Variants in OR5D18 observed in about 807,000 individuals in gnomAD.
The protein encoded by OR5D18 is olfactory receptor 5D18.
For synonymous variants in OR5D18, 158 were observed against 152.5 expected, an observed-to-expected ratio of 1.04 and a Z score of -0.27; for missense variants, 394 against 367.3, an observed-to-expected ratio of 1.07 and a Z score of -0.59.
Position 55,820,537 on chromosome 11 carries a change from C to T in OR5D18, c.908C>T (p.Thr303Ile), listed in dbSNP as rs1853822437. The change falls in exon 1 of 1, where the codon ACC (threonine) becomes ATC (isoleucine). Residue 303 changes from threonine (T) to isoleucine (I), a missense_variant. Transcript: ENST00000333976. ...AATAAAGATGTCAAGGATACAGTCACCGAGATACTGGACACCAAAGTCTTC... is the reference window on the plus strand; with the variant it reads ...AATAAAGATGTCAAGGATACAGTCATCGAGATACTGGACACCAAAGTCTTC... ...LRNKDVKDTV[T>I]EILDTKVFSY is the part of the protein sequence containing the mutation. The T allele has an allele frequency of 6.2e-7, 1 of 1,610,830 alleles. No individual in the cohort carries two copies. The highest frequency in any genetic ancestry group is 1.3e-5 in the African/African-American group (1 of 74,736).
In OR5D18 at chr11:55,820,248, A is replaced by T. The variant is rs1274384589; in HGVS notation, c.619A>T (p.Asn207Tyr). 1 of 1,613,968 alleles carries T rather than the reference A, an allele frequency of 6.2e-7. No individual in the cohort carries two copies. The highest frequency in any genetic ancestry group is 8.5e-7 in the Non-Finnish European group (1 of 1,180,022). Residue 207 changes from asparagine (N) to tyrosine (Y), a missense_variant, in exon 1 of 1, where the codon AAT becomes TAT. Coordinates refer to ENST00000333976, the MANE Select transcript of OR5D18 (RefSeq NM_001001952.1). ...GCTGCTATTCTTTCTTGCCACCTTT[A>T]ATGAAATCAGCACACTACTCATCGT... ...QWLLFFLATFNEISTLLIVLT... is the reference protein window; with the variant it reads ...QWLLFFLATFYEISTLLIVLT...
In OR5D18 at chr11:55,820,303, C is replaced by A. The variant is rs768496252; in HGVS notation, c.674C>A (p.Thr225Asn). 1 of 1,613,932 alleles carries A rather than the reference C, an allele frequency of 6.2e-7. No homozygotes were observed. The highest frequency in any genetic ancestry group is 8.5e-7 in the Non-Finnish European group (1 of 1,180,018). The change falls in exon 1 of 1, where the codon ACC becomes AAC. Residue 225 changes from threonine to asparagine, a missense_variant. Transcript: ENST00000333976. ...ACATCTTATGCGTTCATTGTTGTAACCATCCTCAAGATGCGTTCAGTCAGT... is the reference window on the plus strand; with the variant it reads ...ACATCTTATGCGTTCATTGTTGTAAACATCCTCAAGATGCGTTCAGTCAGT... The part of the protein sequence containing the change: ...VLTSYAFIVV[T>N]ILKMRSVSGR...
rs1301327143 is a variant in OR5D18, at chr11:55,819,863, T to C, written c.234T>C (p.Ile78=). ...TGGATTTCTGCTATTCCTCCATCAT[T>C]GCTCCCAAGATGTTGGTGAACCTTG... ...SFVDFCYSSI[I]APKMLVNLVV... Residue 78 remains isoleucine (I), a synonymous_variant, in exon 1 of 1, where the codon ATT becomes ATC. Transcript: ENST00000333976. 9 of 1,613,722 alleles carry C rather than the reference T, an allele frequency of 5.6e-6. No homozygotes were observed. The highest frequency in any genetic ancestry group is 7.6e-6 in the Non-Finnish European group (9 of 1,179,802).
Position 55,819,976 on chromosome 11 carries a change from T to C in OR5D18, c.347T>C (p.Leu116Ser), listed in dbSNP as rs747074065. ...TTTGTGGTCACTGAATCCTTTTTAT[T>C]AGCTGTGATGGCCTATGACCGCTTC... Reference protein sequence around the residue: ...CTFVVTESFLLAVMAYDRFVA... With the variant: ...CTFVVTESFLSAVMAYDRFVA... Residue 116 changes from leucine to serine, a missense_variant, in exon 1 of 1, where the codon TTA becomes TCA. Coordinates refer to ENST00000333976, the MANE Select transcript of OR5D18 (RefSeq NM_001001952.1). 1.2e-6 allele frequency: 2 copies of C among 1,613,970 alleles called. No individual in the cohort carries two copies. Among genetic ancestry groups the C allele is most frequent in the Non-Finnish European group, 1.7e-6 (2 of 1,179,990 alleles).
rs1437305360 is a variant in OR5D18 at position 55,820,246 on chromosome 11, T to G, written c.617T>G (p.Phe206Cys). 1 of 1,614,058 alleles carries G rather than the reference T, an allele frequency of 6.2e-7. No homozygotes were observed. Among genetic ancestry groups the G allele is most frequent in the Non-Finnish European group, 8.5e-7 (1 of 1,180,028 alleles). Residue 206 changes from phenylalanine (F) to cysteine (C), a missense_variant, in exon 1 of 1, where the codon TTT becomes TGT. Coordinates refer to ENST00000333976, the MANE Select transcript of OR5D18 (RefSeq NM_001001952.1). ...NQWLLFFLATFNEISTLLIVL... is the reference protein window; with the variant it reads ...NQWLLFFLATCNEISTLLIVL... ...TGGCTGCTATTCTTTCTTGCCACCT[T>G]TAATGAAATCAGCACACTACTCATC...
chr11:55,820,044 C>G lies in OR5D18; in HGVS notation c.415C>G (p.Gln139Glu). ...NPLLYTVNMS[Q>E]KLCVLLVVGS... ...TCTGCTCTACACAGTTAACATGTCC[C>G]AGAAACTCTGCGTGCTGCTGGTTGT... The change falls in exon 1 of 1, where the codon CAG becomes GAG. Residue 139 changes from glutamine (Q) to glutamate (E), a missense_variant. Coordinates refer to ENST00000333976, the MANE Select transcript of OR5D18 (RefSeq NM_001001952.1). 6.2e-7 allele frequency: 1 copy of G among 1,613,952 alleles called. No homozygotes were observed. The highest frequency in any genetic ancestry group is 8.5e-7 in the Non-Finnish European group (1 of 1,180,002).
In OR5D18 at chr11:55,820,494, C is replaced by T; in HGVS notation, c.865C>T (p.Leu289=). The change falls in exon 1 of 1, where the codon CTG becomes TTG. Residue 289 remains leucine (L), a synonymous_variant. Coordinates refer to ENST00000333976, the MANE Select transcript of OR5D18 (RefSeq NM_001001952.1). ...CGTGGTGATCCCCATGTTGAATCCC[C>T]TGATCTACAGTCTGAGAAATAAAGA... ...YTVVIPMLNP[L]IYSLRNKDVK... 6.2e-7 allele frequency: 1 copy of T among 1,613,816 alleles called. No individual in the cohort carries two copies. The highest frequency in any genetic ancestry group is 8.5e-7 in the Non-Finnish European group (1 of 1,180,012).
At position 55,819,801 on chromosome 11, in the gene OR5D18, A is replaced by G. The variant is rs1240312105; in HGVS notation, c.172A>G (p.Thr58Ala). The G allele has an allele frequency of 6.2e-7, 1 of 1,613,430 alleles. No homozygotes were observed. The highest frequency in any genetic ancestry group is 2.2e-5 in the East Asian group (1 of 44,864). The stretch of plus-strand genomic sequence containing the variant: ...CATCAAAATCAACCCCAAACTGCAT[A>G]CCCCCATGTACTTTTTCCTCAGCCA... The part of the protein sequence containing the change: ...VIIKINPKLH[T>A]PMYFFLSQLS... Residue 58 changes from threonine (T) to alanine (A), a missense_variant, in exon 1 of 1, where the codon ACC becomes GCC. Coordinates refer to ENST00000333976, the MANE Select transcript of OR5D18 (RefSeq NM_001001952.1).
chr11:55,820,063 T>TA lies in OR5D18; in HGVS notation c.434_435insA (p.Val146GlyfsTer36). The TA allele has an allele frequency of 3.1e-6, 5 of 1,613,978 alleles. No homozygotes were observed. Among genetic ancestry groups the TA allele is most frequent in the Non-Finnish European group, 4.2e-6 (5 of 1,180,014 alleles). On this transcript the variant is annotated frameshift_variant, in exon 1 of 1. Transcript: ENST00000333976. LOFTEE classifies it low-confidence loss of function (END_TRUNC). ...ATGTCCCAGAAACTCTGCGTGCTGC[T>TA]GGTTGTGGGATCCTATGCCTGGGGA...
Position 55,820,026 on chromosome 11 carries a change from TAC to T in OR5D18, c.401_402del (p.Thr134SerfsTer2). On this transcript the variant is annotated frameshift_variant, in exon 1 of 1. Transcript: ENST00000333976. LOFTEE classifies it low-confidence loss of function (END_TRUNC). Reference sequence around the variant, plus strand: ...CGTGGCCATTTGCAACCCTCTGCTCTACACAGTTAACATGTCCCAGAAACTCT... The same window carrying T: ...CGTGGCCATTTGCAACCCTCTGCTCTACAGTTAACATGTCCCAGAAACTCT... The part of the protein sequence containing the change: ...RFVAICNPLL[Y>X]TVNMSQKLCV... The T allele has an allele frequency of 6.2e-7, 1 of 1,613,982 alleles. No homozygotes were observed. The highest frequency in any genetic ancestry group is 8.5e-7 in the Non-Finnish European group (1 of 1,180,028).
Position 55,820,072 on chromosome 11 carries a change from G to A in OR5D18, c.443G>A (p.Gly148Glu), listed in dbSNP as rs867205449. 1 of 1,613,944 alleles carries A rather than the reference G, an allele frequency of 6.2e-7. No individual in the cohort carries two copies. Among genetic ancestry groups the A allele is most frequent in the Non-Finnish European group, 8.5e-7 (1 of 1,180,024 alleles). ...SQKLCVLLVV[G>E]SYAWGVSCSL... Reference sequence around the variant, plus strand: ...AAACTCTGCGTGCTGCTGGTTGTGGGATCCTATGCCTGGGGAGTCTCATGT... The same window carrying A: ...AAACTCTGCGTGCTGCTGGTTGTGGAATCCTATGCCTGGGGAGTCTCATGT... Residue 148 changes from glycine to glutamate, a missense_variant, in exon 1 of 1, where the codon GGA becomes GAA. Transcript: ENST00000333976.
Position 55,820,208 on chromosome 11 carries a change from T to C in OR5D18, c.579T>C (p.Thr193=), listed in dbSNP as rs1177379154. The C allele has an allele frequency of 1.2e-6, 2 of 1,613,966 alleles. No homozygotes were observed. The highest frequency in any genetic ancestry group is 1.7e-6 in the Non-Finnish European group (2 of 1,179,960). Residue 193 remains threonine (T), a synonymous_variant, in exon 1 of 1, where the codon ACT becomes ACC. Coordinates refer to ENST00000333976, the MANE Select transcript of OR5D18 (RefSeq NM_001001952.1). ...SSLLSLSCSD[T]YINQWLLFFL... Reference sequence around the variant, plus strand: ...TACTCTCCCTTTCTTGCTCTGATACTTACATCAACCAGTGGCTGCTATTCT... The same window carrying C: ...TACTCTCCCTTTCTTGCTCTGATACCTACATCAACCAGTGGCTGCTATTCT...
chr11:55,820,442 A>G lies in OR5D18; in HGVS notation c.813A>G (p.Thr271=), dbSNP rs1382122663. The G allele has an allele frequency of 3.7e-6, 6 of 1,613,768 alleles. No homozygotes were observed. The highest frequency in any genetic ancestry group is 5.1e-6 in the Non-Finnish European group (6 of 1,180,014). Residue 271 remains threonine, a synonymous_variant, in exon 1 of 1, where the codon ACA becomes ACG. Transcript: ENST00000333976. ...CVPNSKNSRH[T]VKVASVFYTV... Reference sequence around the variant, plus strand: ...CCAACTCCAAAAACTCCAGGCACACAGTCAAAGTGGCCTCTGTGTTTTACA... The same window carrying G: ...CCAACTCCAAAAACTCCAGGCACACGGTCAAAGTGGCCTCTGTGTTTTACA...
chr11:55,819,891 G>A lies in OR5D18; in HGVS notation c.262G>A (p.Val88Ile). The A allele has an allele frequency of 1.2e-6, 2 of 1,614,026 alleles. No homozygotes were observed. Among genetic ancestry groups the A allele is most frequent in the Non-Finnish European group, 8.5e-7 (1 of 1,180,012 alleles). ...TCCCAAGATGTTGGTGAACCTTGTTGTCAAAGACAGAACCATTTCATTTTT... is the reference window on the plus strand; with the variant it reads ...TCCCAAGATGTTGGTGAACCTTGTTATCAAAGACAGAACCATTTCATTTTT... Reference protein sequence around the residue: ...IAPKMLVNLVVKDRTISFLGC... With the variant: ...IAPKMLVNLVIKDRTISFLGC... The change falls in exon 1 of 1, where the codon GTC becomes ATC. Residue 88 changes from valine (V) to isoleucine (I), a missense_variant. Val to Ile is a conservative substitution (Grantham distance 29, BLOSUM62 3). Transcript: ENST00000333976.
rs753295136 is a variant in OR5D18, at chr11:55,820,266, C to T, written c.637C>T (p.Leu213Phe). The T allele has an allele frequency of 1.7e-5, 27 of 1,614,012 alleles. No individual in the cohort carries two copies. The South Asian group carries it at 3.0e-4, about 18-fold the overall frequency. Residue 213 changes from leucine (L) to phenylalanine (F), a missense_variant, in exon 1 of 1, where the codon CTC becomes TTC. Transcript: ENST00000333976. ...CACCTTTAATGAAATCAGCACACTA[C>T]TCATCGTTCTCACATCTTATGCGTT... ...LATFNEISTL[L>F]IVLTSYAFIV...
chr11:55,820,055 C>T lies in OR5D18; in HGVS notation c.426C>T (p.Cys142=), dbSNP rs748193440. The T allele has an allele frequency of 3.5e-5, 56 of 1,613,820 alleles. No homozygotes were observed. The highest frequency in any genetic ancestry group is 3.8e-5 in the Non-Finnish European group (45 of 1,180,004). The change falls in exon 1 of 1, where the codon TGC becomes TGT. Residue 142 remains cysteine, a synonymous_variant. Transcript: ENST00000333976. ...CAGTTAACATGTCCCAGAAACTCTG[C>T]GTGCTGCTGGTTGTGGGATCCTATG... ...LYTVNMSQKL[C]VLLVVGSYAW...
In OR5D18 at chr11:55,820,016, C is replaced by G; in HGVS notation, c.387C>G (p.Asn129Lys). The change falls in exon 1 of 1, where the codon AAC (asparagine) becomes AAG (lysine). Residue 129 changes from asparagine (N) to lysine (K), a missense_variant. Asn to Lys is a moderately conservative substitution (Grantham distance 94, BLOSUM62 0). Transcript: ENST00000333976. ...MAYDRFVAICNPLLYTVNMSQ... is the reference protein window; with the variant it reads ...MAYDRFVAICKPLLYTVNMSQ... ...ATGACCGCTTCGTGGCCATTTGCAA[C>G]CCTCTGCTCTACACAGTTAACATGT... is the stretch of plus-strand genomic sequence containing the variant. 1 of 1,613,904 alleles carries G rather than the reference C, an allele frequency of 6.2e-7. No individual in the cohort carries two copies. The highest frequency in any genetic ancestry group is 8.5e-7 in the Non-Finnish European group (1 of 1,180,014).
rs775374802 is a variant in OR5D18, at chr11:55,819,917, A to C, written c.288A>C (p.Leu96Phe). 7 of 1,614,028 alleles carry C rather than the reference A, an allele frequency of 4.3e-6. No individual in the cohort carries two copies. Among genetic ancestry groups the C allele is most frequent in the Non-Finnish European group, 5.9e-6 (7 of 1,180,008 alleles). The stretch of plus-strand genomic sequence containing the variant: ...TCAAAGACAGAACCATTTCATTTTT[A>C]GGATGCGTAGTACAATTCTTTTTCT... ...LVVKDRTISF[L>F]GCVVQFFFFC... Residue 96 changes from leucine (L) to phenylalanine (F), a missense_variant, in exon 1 of 1, where the codon TTA becomes TTC. Leu to Phe is a conservative substitution (Grantham distance 22). Transcript: ENST00000333976.
chr11:55,820,472 G>T lies in OR5D18; in HGVS notation c.843G>T (p.Val281=). Residue 281 remains valine (V), a synonymous_variant, in exon 1 of 1, where the codon GTG becomes GTT. Transcript: ENST00000333976. ...TVKVASVFYT[V]VIPMLNPLIY... ...AAGTGGCCTCTGTGTTTTACACCGT[G>T]GTGATCCCCATGTTGAATCCCCTGA... 6.2e-7 allele frequency: 1 copy of T among 1,613,598 alleles called. No individual in the cohort carries two copies. The highest frequency in any genetic ancestry group is 8.5e-7 in the Non-Finnish European group (1 of 1,179,956).
Sources: allele counts gnomAD v4.1 joint callset, GRCh38; gene constraint gnomAD v4.1.1; transcripts MANE v1.5; gene names NCBI Gene and HGNC (gene_info 2026-07-23, HGNC 2026-07-21).